UGGT2: variants seen among roughly 807,000 people sequenced by gnomAD.
UGGT2 encodes the protein UDP-glucose glycoprotein glucosyltransferase 2.
UGGT2 carries 180 observed loss-of-function variants against 192.1 expected under a neutral mutation model. That is an observed-to-expected ratio of 0.94 (90% confidence interval 0.83 to 1.06). The LOEUF (loss-of-function observed/expected upper bound fraction) is 1.06, where lower values mean the gene tolerates loss of function less well. UGGT2 is among the 50% of genes least tolerant of loss of function. The probability of loss-of-function intolerance (pLI) is 0.00; values close to 1 mark genes in which losing one functional copy is unlikely to be tolerated. For synonymous variants in UGGT2, 580 were observed against 591.0 expected (o/e 0.98, Z 0.27); for missense variants, 1,849 against 1,795.7 (o/e 1.03, Z -0.54).
chr13:95,867,846 C>A (rs577376963), intron 29 of UGGT2, among the ~76,000 whole-genome samples: 1 of 152,222 alleles, frequency 6.6e-6, no homozygotes, highest in African/African-American at 2.4e-5. Flanking sequence ...TAATATCCAC[C>A]AGCCATTTTC....
intron 1 of UGGT2, among the ~76,000 whole-genome samples, chr13:96,033,560 G>A (rs115255825): frequency 3.2e-4 from 48 of 152,230 alleles, no homozygotes; most frequent in African/African-American, 1.0e-3. Context: ...GTGGACCAAC[G>A]CATCCCTGCA....
At chr13:95,964,997 C>T (rs957463003) in intron 12 of UGGT2, among the ~76,000 whole-genome samples, 8 of 151,694 alleles carry the variant, frequency 5.3e-5, no homozygotes, top group African/African-American at 7.3e-5. Context: ...AAAATGCTCA[C>T]CATCACTGGC....
chr13:96,026,659 CTTT>C (rs71211702), intron 2 of UGGT2, among the ~76,000 whole-genome samples: 11 of 101,534 alleles, frequency 1.1e-4, no homozygotes, highest in African/African-American at 2.9e-4. Flanking sequence ...TTTCACTCTT[CTTT>C]TTTTTTTTTT....
At chr13:95,877,112 G>T in intron 29 of UGGT2, 167 bp downstream of exon 29, 1 of 485,642 alleles carries the variant, frequency 2.1e-6, no homozygotes, top group Non-Finnish European at 3.5e-6. Flanking sequence ...TTGAACTCCT[G>T]GCCTTGTGAT....
chr13:95,846,069 C>T (rs1888402700), intron 36 of UGGT2, among the ~76,000 whole-genome samples: 1 of 152,162 alleles, frequency 6.6e-6, no homozygotes, highest in Non-Finnish European at 1.5e-5. Flanking sequence ...GAGGGCAAGG[C>T]AGGCGGCTGG....
At chr13:95,991,132 A>G (rs1464861509) in intron 7 of UGGT2, 2 of 169,758 alleles carry the variant, frequency 1.2e-5, no homozygotes, top group African/African-American at 4.7e-5. Flanking sequence ...ATTGATGGAC[A>G]TTTGGGTTGG....
At chr13:96,033,559 C>G (rs749703144) in intron 1 of UGGT2, among the ~76,000 whole-genome samples, 1 of 152,144 alleles carries the variant, frequency 6.6e-6, no homozygotes, top group Non-Finnish European at 1.5e-5. Context: ...TGTGGACCAA[C>G]GCATCCCTGC....
intron 23 of UGGT2, 57 bp downstream of exon 23, chr13:95,895,123 C>G: frequency 6.7e-7 from 1 of 1,498,090 alleles, no homozygotes; most frequent in Non-Finnish European, 8.9e-7. Context: ...ATCTTAAAAA[C>G]ATTAGACTCA....
intron 38 of UGGT2, chr13:95,832,692 A>T (rs1555336094): frequency 1.7e-6 from 1 of 599,014 alleles, no homozygotes; most frequent in Non-Finnish European, 3.2e-6. Flanking sequence ...CTAATGTTAC[A>T]CTATCTATCC....
chr13:95,816,213 G>A (rs967414011), intron 38 of UGGT2, among the ~76,000 whole-genome samples: 2 of 152,142 alleles, frequency 1.3e-5, no homozygotes, highest in Admixed American at 1.3e-4. Context: ...TTAGTCTGTA[G>A]GGAAATGTAA....
intron 27 of UGGT2, among the ~76,000 whole-genome samples, chr13:95,883,175 C>T (rs933813119): frequency 6.6e-6 from 1 of 151,684 alleles, no homozygotes; most frequent in African/African-American, 2.4e-5. Flanking sequence ...CACATACGAG[C>T]CGATCAAAAT....
intron 29 of UGGT2, among the ~76,000 whole-genome samples, chr13:95,869,691 G>C (rs1891053793): frequency 6.6e-6 from 1 of 152,132 alleles, no homozygotes; most frequent in Non-Finnish European, 1.5e-5. Context: ...ACAATGCTAA[G>C]CACCTGAAAC....
At chr13:95,968,941 C>A (rs2050678913) in intron 12 of UGGT2, among the ~76,000 whole-genome samples, 1 of 152,144 alleles carries the variant, frequency 6.6e-6, no homozygotes, top group Non-Finnish European at 1.5e-5. Context: ...TGTCTCTTGA[C>A]TGGGTCCTGA....
At chr13:95,922,923 C>T (rs2048893793) in intron 20 of UGGT2, among the ~76,000 whole-genome samples, 1 of 152,124 alleles carries the variant, frequency 6.6e-6, no homozygotes, top group Non-Finnish European at 1.5e-5. Context: ...TAACAAAAAT[C>T]AAGACTTTCA....
chr13:95,830,351 G>GA (rs1886524990), intron 38 of UGGT2, among the ~76,000 whole-genome samples: 1 of 152,134 alleles, frequency 6.6e-6, no homozygotes, highest in Non-Finnish European at 1.5e-5. Flanking sequence ...GCAACCTACA[G>GA]AATGGGAGAA....
chr13:95,816,907 A>T (rs1291082231), intron 38 of UGGT2, among the ~76,000 whole-genome samples: 1 of 151,906 alleles, frequency 6.6e-6, no homozygotes, highest in Non-Finnish European at 1.5e-5. Flanking sequence ...CAGGTGGATC[A>T]CTTGAGGTCA....
Position 96,023,495 on chromosome 13 carries a change from A to G in UGGT2, c.372+134T>C, listed in dbSNP as rs2052574599. The G allele has an allele frequency of 6.2e-6, 5 of 801,378 alleles. No individual in the cohort carries two copies. The South Asian group carries it at 2.0e-4, about 32-fold the overall frequency. The allele number at this position is 801,378 out of a possible 1,614,324, so 49.6% of individuals were successfully genotyped here. A position where few individuals can be genotyped will look rare whatever the true frequency, so the allele number is the denominator to read the frequency against. ...TATAATAAATGACAACAATAATAAT[A>G]TAATCAATGATAGGCTATGGAACCA... On this transcript the variant is annotated intron_variant, in intron 3 of 38. Coordinates refer to ENST00000376747, the MANE Select transcript of UGGT2 (RefSeq NM_020121.4).
chr13:95,945,445 G>C (rs1322948499), intron 15 of UGGT2, among the ~76,000 whole-genome samples: 1 of 151,936 alleles, frequency 6.6e-6, no homozygotes, highest in Non-Finnish European at 1.5e-5. Context: ...ATGCTGCTTT[G>C]TATTAAACCC....
chr13:95,986,188 T>C (rs894379008), intron 9 of UGGT2, 145 bp downstream of exon 9: 216 of 540,634 alleles, frequency 4.0e-4, no homozygotes, highest in Non-Finnish European at 5.9e-4. Flanking sequence ...AAAATATATA[T>C]ATATTGAAAA....
Sources: gnomAD v4.1 joint callset for allele counts (sites outside exome capture counted in the v4.1 genomes callset) on GRCh38, gnomAD v4.1.1 for gene constraint, MANE v1.5 for transcripts, NCBI Gene and HGNC (gene_info 2026-07-23, HGNC 2026-07-21) for gene names.